RASGEF1A: variants seen among roughly 807,000 people sequenced by gnomAD.
RASGEF1A encodes ras-GEF domain-containing family member 1A.
RASGEF1A carries 18 observed loss-of-function variants against 56.4 expected under a neutral mutation model. The ratio of observed to expected loss-of-function variants is 0.32; its 90% CI spans 0.22 to 0.47. RASGEF1A has a LOEUF of 0.47. Ranked by LOEUF, RASGEF1A falls within the 20% of genes least tolerant of loss-of-function variation. The probability of loss-of-function intolerance (pLI) is 1.00; values close to 1 mark genes in which losing one functional copy is unlikely to be tolerated. For synonymous variants in RASGEF1A, 245 were observed against 242.6 expected (o/e 1.01, Z -0.09); for missense variants, 422 against 627.1 (o/e 0.67, Z 3.49).
chr10:43,243,217 G>A (rs1272612363), intron 1 of RASGEF1A, among the ~76,000 whole-genome samples: 13 of 150,090 alleles, frequency 8.7e-5, no homozygotes, highest in South Asian at 4.2e-4. Context: ...GCTTCTGCCC[G>A]GCCGCCACCC....
intron 9 of RASGEF1A, 31 bp from the exon 10 acceptor site, chr10:43,198,226 C>T (rs1839832122): frequency 6.3e-7 from 1 of 1,578,858 alleles, no homozygotes. Context: ...TGGTGAGCAT[C>T]ACAGCCCCAT....
chr10:43,233,417 C>T (rs763521913), intron 1 of RASGEF1A, among the ~76,000 whole-genome samples: 6 of 152,102 alleles, frequency 3.9e-5, no homozygotes, highest in Non-Finnish European at 7.4e-5. Context: ...ATAAAGAACT[C>T]ATGTAAATAA....
At chr10:43,210,288 A>G (rs1840048204) in intron 1 of RASGEF1A, among the ~76,000 whole-genome samples, 1 of 150,694 alleles carries the variant, frequency 6.6e-6, no homozygotes, top group South Asian at 2.1e-4. Context: ...CCTGGGTAAC[A>G]TAGAGACCCC....
chr10:43,198,298 C>G, intron 9 of RASGEF1A, 103 bp from the exon 10 acceptor site: 1 of 1,063,068 alleles, frequency 9.4e-7, no homozygotes, highest in Admixed American at 2.8e-5. Context: ...AGAGAAGGCA[C>G]CTGGCCCCTG....
intron 1 of RASGEF1A, among the ~76,000 whole-genome samples, chr10:43,256,199 A>C (rs575003389): frequency 1.2e-4 from 18 of 151,952 alleles, no homozygotes; most frequent in African/African-American, 4.3e-4. Context: ...GAGGATGCTG[A>C]GGGGGCCTGG....
intron 1 of RASGEF1A, among the ~76,000 whole-genome samples, chr10:43,241,284 T>C (rs989357024): frequency 6.6e-6 from 1 of 152,216 alleles, no homozygotes. Context: ...CATACTACCC[T>C]GAATGTGCCT....
chr10:43,219,973 C>A (rs1840186409), intron 1 of RASGEF1A, among the ~76,000 whole-genome samples: 2 of 152,262 alleles, frequency 1.3e-5, no homozygotes, highest in African/African-American at 4.8e-5. Context: ...GCACCCAGCC[C>A]CCTGCTGGGT....
intron 1 of RASGEF1A, among the ~76,000 whole-genome samples, chr10:43,226,004 C>G (rs543379424): frequency 7.7e-6 from 1 of 129,604 alleles, no homozygotes; most frequent in African/African-American, 2.9e-5. Flanking sequence ...GCCCGGAAGG[C>G]GGGTGTGGGC....
chr10:43,215,326 C>G (rs989260402), intron 1 of RASGEF1A, among the ~76,000 whole-genome samples: 6 of 152,162 alleles, frequency 3.9e-5, no homozygotes, highest in Non-Finnish European at 8.8e-5. Context: ...ATTTTTTAAC[C>G]TACTCAACAA....
At chr10:43,197,191 C>G in intron 10 of RASGEF1A, 92 bp from the exon 11 acceptor site, 1 of 1,441,506 alleles carries the variant, frequency 6.9e-7, no homozygotes, top group Non-Finnish European at 9.5e-7. Flanking sequence ...GCCTCAGCCT[C>G]CTGCTCACTT....
chr10:43,208,138 A>G, intron 1 of RASGEF1A: 1 of 985,468 alleles, frequency 1.0e-6, no homozygotes, highest in Non-Finnish European at 1.2e-6. Flanking sequence ...ACTGTGGGAC[A>G]ACCTCCCCAA....
chr10:43,243,619 G>A (rs149685170), intron 1 of RASGEF1A, among the ~76,000 whole-genome samples: 6,929 of 145,038 alleles, frequency 0.048, 179 homozygotes, highest in South Asian at 0.091. Flanking sequence ...GGTGAGGGGC[G>A]TCTCTGCCTG....
intron 1 of RASGEF1A, among the ~76,000 whole-genome samples, chr10:43,225,521 GTC>G: frequency 6.6e-6 from 1 of 152,054 alleles, no homozygotes; most frequent in South Asian, 2.1e-4. Context: ...GTGTCTGTGT[GTC>G]TCTGTGTCTG....
intron 1 of RASGEF1A, among the ~76,000 whole-genome samples, chr10:43,214,452 C>G (rs961091590): frequency 6.6e-6 from 1 of 152,234 alleles, no homozygotes; most frequent in Non-Finnish European, 1.5e-5. Flanking sequence ...CCCCGCCCCC[C>G]TTCGTAGGTG....
intron 1 of RASGEF1A, among the ~76,000 whole-genome samples, chr10:43,251,829 T>G (rs923901932): frequency 2.0e-5 from 3 of 152,160 alleles, no homozygotes; most frequent in African/African-American, 7.2e-5. Context: ...GGCCCAGCAC[T>G]GGTGTGGACC....
chr10:43,202,380 G>C (rs558680804), intron 3 of RASGEF1A, among the ~76,000 whole-genome samples: 1 of 152,268 alleles, frequency 6.6e-6, no homozygotes, highest in South Asian at 2.1e-4. Flanking sequence ...GCGCTCCCGC[G>C]CCCTAGTCCA....
At chr10:43,254,090 C>T (rs979998564) in intron 1 of RASGEF1A, among the ~76,000 whole-genome samples, 1 of 152,214 alleles carries the variant, frequency 6.6e-6, no homozygotes, top group South Asian at 2.1e-4. Context: ...GCCCAGTGCT[C>T]GGTGGATGGC....
chr10:43,239,885 A>G (rs1444356331), intron 1 of RASGEF1A, among the ~76,000 whole-genome samples: 1 of 152,090 alleles, frequency 6.6e-6, no homozygotes, highest in Non-Finnish European at 1.5e-5. Context: ...GAAGCAGTAG[A>G]TAACAGTGAA....
intron 1 of RASGEF1A, among the ~76,000 whole-genome samples, chr10:43,227,279 T>C (rs1840292356): frequency 6.6e-6 from 1 of 152,034 alleles, no homozygotes; most frequent in South Asian, 2.1e-4. Context: ...CAGGCAGCCC[T>C]TCCTGACTGC....
Sources: gnomAD v4.1 joint callset for allele counts (sites outside exome capture counted in the v4.1 genomes callset) on GRCh38, gnomAD v4.1.1 for gene constraint, MANE v1.5 for transcripts, NCBI Gene and HGNC (gene_info 2026-07-23, HGNC 2026-07-21) for gene names.